The following STK38 variants were observed in gnomAD, a reference collection of about 807,000 sequenced individuals.
The protein encoded by STK38 is serine/threonine kinase 38, also known as serine/threonine-protein kinase 38.
A neutral mutation model predicts 59.0 loss-of-function variants in STK38; 26 were observed. That is an observed-to-expected ratio of 0.44 (90% confidence interval 0.32 to 0.61). The LOEUF (loss-of-function observed/expected upper bound fraction) is 0.61. Among genes scored for constraint, STK38 ranks in the 20% least tolerant of loss-of-function variants. The probability of loss-of-function intolerance (pLI) is 0.04; values close to 1 mark genes in which losing one functional copy is unlikely to be tolerated. For missense variants in STK38, 433 were observed against 566.0 expected (o/e 0.76, Z 2.38); for synonymous variants, 175 against 176.6 (o/e 0.99, Z 0.07).
chr6:36,496,405 T>C (rs1241776539), intron 13 of STK38, among the ~76,000 whole-genome samples: 1 of 152,194 alleles, frequency 6.6e-6, no homozygotes, highest in African/African-American at 2.4e-5. Flanking sequence ...TCTTCACAAA[T>C]TTTTTAATGT....
chr6:36,527,191 C>CAAAAAAAAAA (rs777770396), intron 2 of STK38, among the ~76,000 whole-genome samples: 1 of 46,036 alleles, frequency 2.2e-5, no homozygotes, highest in African/African-American at 9.6e-5. Flanking sequence ...GACTCCGTCT[C>CAAAAAAAAAA]AAAAAAAAAA....
chr6:36,502,955 T>A (rs1776875155), intron 9 of STK38, among the ~76,000 whole-genome samples: 2 of 152,238 alleles, frequency 1.3e-5, no homozygotes, highest in Admixed American at 1.3e-4. Context: ...TTCGTTCAAT[T>A]ATTTTTACTG....
At chr6:36,518,902 G>T (rs1037012609) in intron 5 of STK38, among the ~76,000 whole-genome samples, 1 of 152,164 alleles carries the variant, frequency 6.6e-6, no homozygotes, top group African/African-American at 2.4e-5. Context: ...GGCAAATTTA[G>T]TCCATGGCTG....
intron 6 of STK38, among the ~76,000 whole-genome samples, chr6:36,516,210 T>C (rs1777248137): frequency 6.6e-6 from 1 of 152,238 alleles, no homozygotes; most frequent in South Asian, 2.1e-4. Flanking sequence ...ACAGTATCAG[T>C]ATTCTAGCAG....
intron 2 of STK38, among the ~76,000 whole-genome samples, chr6:36,530,004 G>T (rs1304736015): frequency 6.6e-6 from 1 of 152,186 alleles, no homozygotes. Context: ...ACTTTGGGAG[G>T]CTGAGGCTCG....
Position 36,498,501 on chromosome 6 carries a change from G to A in STK38, c.953-15C>T. On this transcript the variant is annotated splice_polypyrimidine_tract_variant and intron_variant, in intron 10 of 13. Transcript: ENST00000229812. ...AGGTGGGTAGCCTGTAATAAAAAAG[G>A]AACTTCGGAGCTTTTACACTCCAGA... The A allele has an allele frequency of 6.2e-7, 1 of 1,605,962 alleles. No homozygotes were observed. Among genetic ancestry groups the A allele is most frequent in the Non-Finnish European group, 8.5e-7 (1 of 1,178,004 alleles).
chr6:36,513,876 C>A (rs942195891), intron 7 of STK38, among the ~76,000 whole-genome samples: 1 of 133,808 alleles, frequency 7.5e-6, no homozygotes, highest in East Asian at 3.7e-4. Flanking sequence ...AAAAAAAAGG[C>A]CAGGCTTGGT....
chr6:36,500,839 T>C (rs9470296), intron 9 of STK38, among the ~76,000 whole-genome samples: 35,743 of 151,478 alleles, frequency 0.24, 4,455 homozygotes, highest in East Asian at 0.39. Flanking sequence ...ATTCTTTGAT[T>C]TGACACAATC....
chr6:36,540,152 C>T lies in STK38; in HGVS notation c.51G>A (p.Lys17=), dbSNP rs1777896760. Residue 17 remains lysine, a synonymous_variant, in exon 2 of 14, where the codon AAG becomes AAA. Transcript: ENST00000229812. ...TPCSSMSNHT[K]ERVTMTKVTL... ...TCACTTTGGTCATTGTCACCCTTTC[C>T]TTTGTGTGGTTACTCATGGATGAGC... The T allele has an allele frequency of 6.2e-7, 1 of 1,613,930 alleles. No individual in the cohort carries two copies. Among genetic ancestry groups the T allele is most frequent in the Admixed American group, 1.7e-5 (1 of 59,990 alleles).
rs190478190 is a variant in STK38, at chr6:36,525,217, G to A, written c.183+374C>T. 2.9e-3 allele frequency among the ~76,000 whole-genome samples: 439 copies of A among 152,240 alleles called. 2 individuals carry two copies. The highest frequency in any genetic ancestry group is 0.025 in the Admixed American group (379 of 15,286). ...TAATAAACCTGCATGTTCAGCACAC[G>A]TATGTATCCCAGAAAAAGTAAAATA... On this transcript the variant is annotated intron_variant, in intron 3 of 13. Coordinates refer to ENST00000229812, the MANE Select transcript of STK38 (RefSeq NM_007271.4).
intron 5 of STK38, among the ~76,000 whole-genome samples, chr6:36,521,179 G>C (rs1257412141): frequency 6.6e-6 from 1 of 152,160 alleles, no homozygotes; most frequent in African/African-American, 2.4e-5. Flanking sequence ...CATTAAAGGA[G>C]AATTTGCATT....
intron 2 of STK38, 80 bp from the exon 3 acceptor site, chr6:36,525,722 T>C (rs1777495306): frequency 1.7e-6 from 2 of 1,170,010 alleles, no homozygotes; most frequent in Non-Finnish European, 1.2e-6. Context: ...AATACTGTAG[T>C]AGATTTTTAA....
Position 36,494,883 on chromosome 6 carries a change from G to C in STK38, c.*901C>G, listed in dbSNP as rs909566192. 4.6e-5 allele frequency: 7 copies of C among 152,280 alleles called. No individual in the cohort carries two copies. Among genetic ancestry groups the C allele is most frequent in the African/African-American group, 1.7e-4 (7 of 41,450 alleles). The allele number at this position is 152,280 out of a possible 1,614,324, so 9.4% of individuals were successfully genotyped here. A position where few individuals can be genotyped will look rare whatever the true frequency, so the allele number is the denominator to read the frequency against. ...AAGAGGGTTCCAGGCCTCCTGCCTA[G>C]GCCTGGGCTCTCCTCGTTAGGTTCC... On this transcript the variant is annotated 3_prime_UTR_variant, in exon 14 of 14. Transcript: ENST00000229812.
At chr6:36,545,531 T>G (rs1300985147) in intron 1 of STK38, among the ~76,000 whole-genome samples, 1 of 152,136 alleles carries the variant, frequency 6.6e-6, no homozygotes, top group Admixed American at 6.6e-5. Context: ...CTCCTTCCCT[T>G]TGACCTTTCT....
chr6:36,527,439 T>C lies in STK38; in HGVS notation c.132-1797A>G, dbSNP rs530077545. ...AGTGACAGGTGCCTGTAATCCCAGT[T>C]ACTTGGGAGGGGCTGAGGCACAAGA... On this transcript the variant is annotated intron_variant, in intron 2 of 13. Coordinates refer to ENST00000229812, the MANE Select transcript of STK38 (RefSeq NM_007271.4). Among the ~76,000 whole-genome samples the C allele has an allele frequency of 2.7e-5, 4 of 147,566 alleles. No individual in the cohort carries two copies. In the Admixed American group the frequency reaches 2.7e-4, roughly 10 times the overall value.
intron 5 of STK38, 39 bp from the exon 6 acceptor site, chr6:36,517,879 C>T (rs780543398): frequency 1.5e-5 from 24 of 1,607,978 alleles, no homozygotes; most frequent in Non-Finnish European, 2.0e-5. Context: ...AAAGCTTGCT[C>T]TGCTTTATTA....
rs750341347 is a variant in STK38 at position 36,496,810 on chromosome 6, C to G, written c.1173-5G>C. ...GATATTGCAGCAGGTCTCTCTCTGC[C>G]AAGAATACACATGCCAAAAATTACT... On this transcript the variant is annotated splice_polypyrimidine_tract_variant and splice_region_variant and intron_variant, in intron 12 of 13. Coordinates refer to ENST00000229812, the MANE Select transcript of STK38 (RefSeq NM_007271.4). 3 of 1,601,620 alleles carry G rather than the reference C, an allele frequency of 1.9e-6. No individual in the cohort carries two copies. In the South Asian group the frequency reaches 3.3e-5, roughly 18 times the overall value.
At chr6:36,542,470 T>A (rs1380540454) in intron 1 of STK38, among the ~76,000 whole-genome samples, 1 of 152,202 alleles carries the variant, frequency 6.6e-6, no homozygotes, top group Non-Finnish European at 1.5e-5. Context: ...AGTTATAGAA[T>A]ATTTTTTTCC....
At chr6:36,517,353 G>A (rs1303107364) in intron 6 of STK38, among the ~76,000 whole-genome samples, 1 of 152,078 alleles carries the variant, frequency 6.6e-6, no homozygotes, top group Non-Finnish European at 1.5e-5. Flanking sequence ...CAAAAATTTG[G>A]AGCAAAGGAT....
Sources: allele counts gnomAD v4.1 joint callset (sites outside exome capture counted in the v4.1 genomes callset), GRCh38; gene constraint gnomAD v4.1.1; transcripts MANE v1.5; gene names NCBI Gene and HGNC (gene_info 2026-07-23, HGNC 2026-07-21).